Variants in DFFB observed in about 807,000 individuals in gnomAD.
DFFB encodes the protein DNA fragmentation factor 40 kDa subunit.
Under a neutral mutation model 32.7 loss-of-function variants are expected in DFFB, and 29 were observed. The observed-to-expected ratio is 0.89, with a 90% CI of 0.66 to 1.21. DFFB has a LOEUF of 1.21. Among genes scored for constraint, DFFB ranks in the 50% most tolerant of loss-of-function variants. The probability of loss-of-function intolerance (pLI) is 0.00; values close to 1 mark genes in which losing one functional copy is unlikely to be tolerated. For missense variants in DFFB, 398 were observed against 440.6 expected (o/e 0.90, Z 0.87); for synonymous variants, 170 against 177.1 (o/e 0.96, Z 0.32).
intron 1 of DFFB, 51 bp from the exon 2 acceptor site, chr1:3,858,667 G>A: frequency 6.3e-7 from 1 of 1,594,492 alleles, no homozygotes; most frequent in Non-Finnish European, 8.6e-7. Flanking sequence ...CAGATGCAAA[G>A]CCCTCGTCTT....
In DFFB at chr1:3,857,476, A is replaced by G. The variant is rs2124712991; in HGVS notation, c.-128A>G. 1 of 579,974 alleles carries G rather than the reference A, an allele frequency of 1.7e-6. No homozygotes were observed. The highest frequency in any genetic ancestry group is 3.5e-5 in the East Asian group (1 of 28,800). The allele number at this position is 579,974 out of a possible 1,614,324, so 35.9% of individuals were successfully genotyped here. ...GGGTAATGTAGTTTCCGGGATCGGC[A>G]CCCGGCCTGTGCCAGCTTGCAGAGC... is the stretch of plus-strand genomic sequence containing the variant. On this transcript the variant is annotated 5_prime_UTR_variant, in exon 1 of 7. Coordinates refer to ENST00000378209, the MANE Select transcript of DFFB (RefSeq NM_004402.4).
rs1486731777 is a variant in DFFB, at chr1:3,869,852, G to A, written c.681+77G>A. 5 of 1,444,056 alleles carry A rather than the reference G, an allele frequency of 3.5e-6. No homozygotes were observed. The East Asian group carries it at 7.3e-5, about 21-fold the overall frequency. 89.5% of individuals were successfully genotyped at this position (1,444,056 alleles called of 1,614,324 possible). On this transcript the variant is annotated intron_variant, in intron 5 of 6. Transcript: ENST00000378209. ...AGCCCGCCTGGGGCGAGGCGGGTGG[G>A]GACCTTCAGCCCTTGCCCTGCCTGG...
At chr1:3,863,990 T>G (rs1393339040) in intron 2 of DFFB, among the ~76,000 whole-genome samples, 1 of 152,142 alleles carries the variant, frequency 6.6e-6, no homozygotes, top group Non-Finnish European at 1.5e-5. Context: ...TTTTTTGAGA[T>G]GAAGTCTTGC....
chr1:3,869,794 A>T lies in DFFB; in HGVS notation c.681+19A>T, dbSNP rs1020802812. The T allele has an allele frequency of 4.4e-6, 7 of 1,577,180 alleles. No individual in the cohort carries two copies. The highest frequency in any genetic ancestry group is 1.4e-5 in the African/African-American group (1 of 73,940). On this transcript the variant is annotated intron_variant, in intron 5 of 6. Transcript: ENST00000378209. ...CTGCCAGGTGAGCTGTGTGCCCTTT[A>T]TCCTGGGGCCACCCGGCTGGCCTGT... is the stretch of plus-strand genomic sequence containing the variant.
At chr1:3,875,724 C>T (rs1469740343) in intron 6 of DFFB, among the ~76,000 whole-genome samples, 6 of 152,136 alleles carry the variant, frequency 3.9e-5, no homozygotes, top group Non-Finnish European at 8.8e-5. Context: ...TATTTGTGGG[C>T]ATGCTTTACA....
chr1:3,879,281 T>C (rs1022566410), intron 6 of DFFB, among the ~76,000 whole-genome samples: 5 of 152,206 alleles, frequency 3.3e-5, no homozygotes, highest in Non-Finnish European at 7.3e-5. Context: ...CCTGTGCGGT[T>C]TTCCGGGAGC....
At chr1:3,870,849 G>C (rs1254129614) in intron 5 of DFFB, among the ~76,000 whole-genome samples, 1 of 152,072 alleles carries the variant, frequency 6.6e-6, no homozygotes. Flanking sequence ...CTCTGCTGGG[G>C]AGGCTGTGAG....
rs184190870 is a variant in DFFB, at chr1:3,881,843, C to G, written c.783-1664C>G. On this transcript the variant is annotated intron_variant, in intron 6 of 6. Coordinates refer to ENST00000378209, the MANE Select transcript of DFFB (RefSeq NM_004402.4). ...TGAGATCGTGCCACTGCACTCCAGC[C>G]TGGGTGACAGAGCAAGACTCTGTTT... 4.7e-3 allele frequency among the ~76,000 whole-genome samples: 703 copies of G among 151,126 alleles called. 6 individuals are homozygous for G. The highest frequency in any genetic ancestry group is 0.016 in the African/African-American group (669 of 41,092).
At chr1:3,870,315 C>A (rs1222588384) in intron 5 of DFFB, among the ~76,000 whole-genome samples, 5 of 152,230 alleles carry the variant, frequency 3.3e-5, no homozygotes, top group Non-Finnish European at 5.9e-5. Flanking sequence ...CAGTTGCATT[C>A]CCGGTAAGGT....
chr1:3,878,725 G>A (rs1645276779), intron 6 of DFFB, among the ~76,000 whole-genome samples: 1 of 152,212 alleles, frequency 6.6e-6, no homozygotes, highest in Non-Finnish European at 1.5e-5. Context: ...ACCCTCTGCG[G>A]TATTCTTTAG....
At chr1:3,874,956 G>A (rs938704465) in intron 6 of DFFB, among the ~76,000 whole-genome samples, 6 of 134,966 alleles carry the variant, frequency 4.4e-5, no homozygotes, top group South Asian at 2.4e-4. Flanking sequence ...CATACGTGGC[G>A]GCCCACGTTG....
chr1:3,879,506 T>C (rs1645294665), intron 6 of DFFB, among the ~76,000 whole-genome samples: 1 of 152,200 alleles, frequency 6.6e-6, no homozygotes, highest in Non-Finnish European at 1.5e-5. Flanking sequence ...CCACTAGGAC[T>C]GGTGTCCTTA....
intron 6 of DFFB, among the ~76,000 whole-genome samples, chr1:3,873,775 G>A (rs1047705318): frequency 2.0e-5 from 3 of 152,046 alleles, no homozygotes; most frequent in South Asian, 2.1e-4. Context: ...CACTGCATCC[G>A]GCCAGATGTG....
Position 3,877,398 on chromosome 1 carries a change from G to A in DFFB, c.782+4826G>A, listed in dbSNP as rs183067269. On this transcript the variant is annotated intron_variant, in intron 6 of 6. Transcript: ENST00000378209. ...GGCTGGAGTGCAGTGGCATGATCTC[G>A]ACTCACTGCAACCTCTGCCTCCCAG... Among the ~76,000 whole-genome samples the A allele has an allele frequency of 7.3e-3, 1,009 of 138,686 alleles. 11 individuals carry two copies. Among genetic ancestry groups the A allele is most frequent in the African/African-American group, 0.026 (962 of 36,500 alleles). The allele number at this position is 138,686 out of a possible 152,430, so 91.0% of individuals were successfully genotyped here.
Position 3,883,634 on chromosome 1 carries a change from A to G in DFFB, c.910A>G (p.Ile304Val). 2 of 1,614,054 alleles carry G rather than the reference A, an allele frequency of 1.2e-6. No homozygotes were observed. Among genetic ancestry groups the G allele is most frequent in the Non-Finnish European group, 1.7e-6 (2 of 1,180,016 alleles). The stretch of plus-strand genomic sequence containing the variant: ...CTCAGAGAACCTAAAACTAGTGCAC[A>G]TTGTCTGCCATAAGAAAACCACCCA... The part of the protein sequence containing the change: ...FTSENLKLVH[I>V]VCHKKTTHKL... The change falls in exon 7 of 7, where the codon ATT becomes GTT. Residue 304 changes from isoleucine to valine, a missense_variant. Coordinates refer to ENST00000378209, the MANE Select transcript of DFFB (RefSeq NM_004402.4).
chr1:3,880,950 G>C (rs1557730029), intron 6 of DFFB, among the ~76,000 whole-genome samples: 1 of 152,242 alleles, frequency 6.6e-6, no homozygotes, highest in East Asian at 1.9e-4. Flanking sequence ...GTGTACTTTG[G>C]GCCGTACACC....
At chr1:3,869,083 G>A (rs1404481596) in intron 4 of DFFB, among the ~76,000 whole-genome samples, 4 of 152,034 alleles carry the variant, frequency 2.6e-5, no homozygotes, top group Non-Finnish European at 4.4e-5. Flanking sequence ...TTTTTGAGAC[G>A]GAGTCTCACT....
At chr1:3,867,378 T>A (rs1182696915) in intron 3 of DFFB, among the ~76,000 whole-genome samples, 2 of 152,196 alleles carry the variant, frequency 1.3e-5, no homozygotes, top group Non-Finnish European at 2.9e-5. Context: ...ACACTTGGGT[T>A]GCTTCCACCT....
chr1:3,861,259 T>C (rs1392656973), intron 2 of DFFB, among the ~76,000 whole-genome samples: 2 of 152,100 alleles, frequency 1.3e-5, no homozygotes, highest in African/African-American at 4.8e-5. Flanking sequence ...TGCATGTAAG[T>C]TGTGTGTATC....
Sources: allele counts gnomAD v4.1 joint callset (sites outside exome capture counted in the v4.1 genomes callset), GRCh38; gene constraint gnomAD v4.1.1; transcripts MANE v1.5; gene names NCBI Gene and HGNC (gene_info 2026-07-23, HGNC 2026-07-21).